CYFIP1: variants seen among roughly 807,000 people sequenced by gnomAD.
CYFIP1 encodes cytoplasmic FMR1 interacting protein 1, also known as cytoplasmic FMR1-interacting protein 1.
Under a neutral mutation model 163.5 loss-of-function variants are expected in CYFIP1, and 58 were observed. The observed-to-expected ratio is 0.35, with a 90% CI of 0.29 to 0.44. The LOEUF (loss-of-function observed/expected upper bound fraction) is 0.44. CYFIP1 is among the 20% of genes least tolerant of loss of function. The pLI, the probability that CYFIP1 is intolerant of heterozygous loss-of-function variation, is 1.00. For missense variants in CYFIP1, 1,338 were observed against 1,653.8 expected (o/e 0.81, Z 3.31); for synonymous variants, 663 against 660.7 (o/e 1.00, Z -0.05).
chr15:22,898,233 A>G (rs1386269847), intron 22 of CYFIP1, among the ~76,000 whole-genome samples: 1 of 152,128 alleles, frequency 6.6e-6, no homozygotes, highest in East Asian at 1.9e-4. Flanking sequence ...CTGTTACTCT[A>G]TCATTCCAAA....
intron 1 of CYFIP1, 140 bp from the exon 2 acceptor site, chr15:22,947,431 T>A: frequency 4.9e-6 from 6 of 1,215,214 alleles, no homozygotes; most frequent in Non-Finnish European, 6.8e-6. Context: ...GCATGATCAG[T>A]CCTTGGGAGT....
At chr15:22,947,352 T>A (rs1313751518) in intron 1 of CYFIP1, 61 bp from the exon 2 acceptor site, 1 of 1,582,786 alleles carries the variant, frequency 6.3e-7, no homozygotes, top group African/African-American at 1.3e-5. Flanking sequence ...CCAACAAGCT[T>A]CGAGGTTGGG....
chr15:22,870,928 A>C (rs912723594), intron 30 of CYFIP1, among the ~76,000 whole-genome samples: 4 of 152,340 alleles, frequency 2.6e-5, no homozygotes, highest in East Asian at 3.9e-4. Context: ...ACATACACGC[A>C]AACAAAACGC....
Position 22,940,882 on chromosome 15 carries a change from A to C in CYFIP1, c.570-1375T>G, listed in dbSNP as rs186462292. Among the ~76,000 whole-genome samples, 11 of 152,214 alleles carry C rather than the reference A, an allele frequency of 7.2e-5. No homozygotes were observed. The East Asian group carries it at 2.1e-3, about 29-fold the overall frequency. On this transcript the variant is annotated intron_variant, in intron 6 of 30. Coordinates refer to ENST00000617928, the MANE Select transcript of CYFIP1 (RefSeq NM_014608.6). ...TGGTGAAACCCCATCTCTACTAAAA[A>C]TATAAAAATTAGCCCGGTGTGGTGG... is the stretch of plus-strand genomic sequence containing the variant.
chr15:22,934,177 C>CTTTTTTTTTTTT lies in CYFIP1; in HGVS notation c.901-296_901-285dup, dbSNP rs1163626431. ...AAAAAAAAAATCACTGCATTTCTTT[C>CTTTTTTTTTTTT]TTTTTTTTTTTTTTTTTTTTTTTTT... On this transcript the variant is annotated intron_variant, in intron 9 of 30. Coordinates refer to ENST00000617928, the MANE Select transcript of CYFIP1 (RefSeq NM_014608.6). 4.5e-4 allele frequency among the ~76,000 whole-genome samples: 30 copies of CTTTTTTTTTTTT among 66,162 alleles called. 4 individuals carry two copies. The highest frequency in any genetic ancestry group is 1.6e-3 in the African/African-American group (26 of 16,196). 43.4% of individuals were successfully genotyped at this position (66,162 alleles called of 152,430 possible).
chr15:22,911,569 TGAG>T (rs1329707665), intron 18 of CYFIP1, among the ~76,000 whole-genome samples: 6 of 152,162 alleles, frequency 3.9e-5, no homozygotes, highest in Non-Finnish European at 8.8e-5. Flanking sequence ...CCTGGAACTG[TGAG>T]GAGAATACCT....
chr15:22,867,506 C>T lies in CYFIP1; in HGVS notation c.*2522G>A, dbSNP rs2059189041. 1 of 284,868 alleles carries T rather than the reference C, an allele frequency of 3.5e-6. No homozygotes were observed. The highest frequency in any genetic ancestry group is 5.2e-5 in the Admixed American group (1 of 19,362). 17.6% of individuals were successfully genotyped at this position (284,868 alleles called of 1,614,324 possible). On this transcript the variant is annotated 3_prime_UTR_variant, in exon 31 of 31. Coordinates refer to ENST00000617928, the MANE Select transcript of CYFIP1 (RefSeq NM_014608.6). ...TAGCACCTCATCAAGCCAGCACATC[C>T]TGCCTGCTGTTGCAGCCTGGCTGGG...
At chr15:22,953,049 C>T (rs974967470) in intron 1 of CYFIP1, among the ~76,000 whole-genome samples, 1 of 152,264 alleles carries the variant, frequency 6.6e-6, no homozygotes, top group African/African-American at 2.4e-5. Context: ...CGCACGCACA[C>T]GGCCTGGGCC....
Position 22,869,939 on chromosome 15 carries a change from A to G in CYFIP1, c.*89T>C. 7.9e-7 allele frequency: 1 copy of G among 1,257,950 alleles called. No individual in the cohort carries two copies. The highest frequency in any genetic ancestry group is 1.1e-6 in the Non-Finnish European group (1 of 945,826). 77.9% of individuals were successfully genotyped at this position (1,257,950 alleles called of 1,614,324 possible). On this transcript the variant is annotated 3_prime_UTR_variant, in exon 31 of 31. Transcript: ENST00000617928. ...AGCACCCCCTTTAACAGGTACAGAG[A>G]TACTGAAAAATAGTCCCTAAAAATC... is the stretch of plus-strand genomic sequence containing the variant.
At chr15:22,877,175 A>G (rs534462774) in intron 26 of CYFIP1, among the ~76,000 whole-genome samples, 8 of 152,274 alleles carry the variant, frequency 5.3e-5, no homozygotes, top group African/African-American at 1.9e-4. Context: ...TTCTCCCACA[A>G]TTGGGTTAGT....
chr15:22,964,306 A>ACACAC (rs2062813419), intron 1 of CYFIP1, among the ~76,000 whole-genome samples: 1 of 112,226 alleles, frequency 8.9e-6, no homozygotes, highest in East Asian at 2.0e-4. Flanking sequence ...ACACACACAC[A>ACACAC]CACACACAAC....
intron 1 of CYFIP1, among the ~76,000 whole-genome samples, chr15:22,978,412 AG>A (rs1272454685): frequency 1.4e-5 from 2 of 144,586 alleles, no homozygotes; most frequent in African/African-American, 2.5e-5. Flanking sequence ...TAAAAGATTG[AG>A]GGAAATCTGT....
At position 22,932,294 on chromosome 15, in the gene CYFIP1, C is replaced by T. The variant is rs764746908; in HGVS notation, c.1039G>A (p.Glu347Lys). The change falls in exon 11 of 31, where the codon GAG becomes AAG. Residue 347 changes from glutamate (E) to lysine (K), a missense_variant. Glu to Lys is a moderately conservative substitution (Grantham distance 56). This residue lies in a region of CYFIP1 where 824 missense variants were observed against 995.7 expected (regional missense o/e 0.83). Transcript: ENST00000617928. ...TCCTCGCGGATCTGGATCATCTGCT[C>T]GCAGATGTTGTACTGAGGGCTGCTG... ...SGSSPQYNIC[E>K]QMIQIREDHM... 3.1e-6 allele frequency: 5 copies of T among 1,612,790 alleles called. No individual in the cohort carries two copies. Among genetic ancestry groups the T allele is most frequent in the Non-Finnish European group, 3.4e-6 (4 of 1,179,472 alleles).
intron 1 of CYFIP1, among the ~76,000 whole-genome samples, chr15:22,955,355 C>T (rs1175995854): frequency 6.6e-6 from 1 of 152,210 alleles, no homozygotes; most frequent in Admixed American, 6.5e-5. Flanking sequence ...TGACCCAGTG[C>T]CGGGTGCCCA....
At chr15:22,920,346 T>C (rs142295361) in intron 13 of CYFIP1, among the ~76,000 whole-genome samples, 1 of 151,960 alleles carries the variant, frequency 6.6e-6, no homozygotes, top group East Asian at 1.9e-4. Context: ...CTTCCTACTT[T>C]TATTAAATCT....
intron 11 of CYFIP1, among the ~76,000 whole-genome samples, chr15:22,931,686 GAAAAAA>G (rs766177290): frequency 0.022 from 857 of 39,726 alleles, 34 homozygotes; most frequent in African/African-American, 0.07. Context: ...ATGTTTTTCT[GAAAAAA>G]AAAAAAAAAA....
In CYFIP1 at chr15:22,910,643, A is replaced by C. The variant is rs781034939; in HGVS notation, c.2160-15T>G. On this transcript the variant is annotated splice_polypyrimidine_tract_variant and intron_variant, in intron 19 of 30. Coordinates refer to ENST00000617928, the MANE Select transcript of CYFIP1 (RefSeq NM_014608.6). ...CAAGAAGCAAACTAGTGTAGAAGGA[A>C]GACAGAAAGTTTTTCATACGCCATA... 3 of 1,612,272 alleles carry C rather than the reference A, an allele frequency of 1.9e-6. No homozygotes were observed. The South Asian group carries it at 3.3e-5, about 18-fold the overall frequency.
intron 22 of CYFIP1, among the ~76,000 whole-genome samples, chr15:22,896,588 CA>C (rs1372132481): frequency 5.3e-5 from 8 of 152,002 alleles, no homozygotes; most frequent in African/African-American, 1.9e-4. Context: ...TCAACTCCCG[CA>C]AAGTCTACTC....
chr15:22,872,714 G>T, intron 30 of CYFIP1, 111 bp downstream of exon 30: 2 of 1,074,280 alleles, frequency 1.9e-6, no homozygotes, highest in Non-Finnish European at 2.7e-6. Context: ...TCTGTTGGTG[G>T]CACCTTACGT....
Sources: allele counts gnomAD v4.1 joint callset (sites outside exome capture counted in the v4.1 genomes callset), GRCh38; gene constraint gnomAD v4.1.1; regional missense constraint gnomAD v4.1.1; transcripts MANE v1.5; gene names NCBI Gene and HGNC (gene_info 2026-07-23, HGNC 2026-07-21).